KHK: variants seen among roughly 807,000 people sequenced by gnomAD.
KHK encodes the protein fructokinase.
In KHK, 37 loss-of-function variants were observed where a neutral mutation model predicts 36.0. The observed-to-expected ratio is 1.03, with a 90% CI of 0.79 to 1.35. KHK has a LOEUF of 1.35. Among genes scored for constraint, KHK ranks in the 40% most tolerant of loss-of-function variants. KHK has a pLI of 0.00. For synonymous variants in KHK, 161 were observed against 162.8 expected, an observed-to-expected ratio of 0.99 and a Z score of 0.08; for missense variants, 395 against 391.9, an observed-to-expected ratio of 1.01 and a Z score of -0.07.
At chr2:27,092,601 G>A (rs2148344270) in intron 2 of KHK, among the ~76,000 whole-genome samples, 153 bp downstream of exon 2, 1 of 152,316 alleles carries the variant, frequency 6.6e-6, no homozygotes, top group South Asian at 2.1e-4. Context: ...CAGACGCCCA[G>A]CCCTGCCTTG....
At chr2:27,090,452 C>CTTTTTTTTTTTTTTTTTTTTTT (rs559420015) in intron 1 of KHK, among the ~76,000 whole-genome samples, 4 of 110,124 alleles carry the variant, frequency 3.6e-5, no homozygotes, top group Non-Finnish European at 7.1e-5. Context: ...TTTTTTCTTT[C>CTTTTTTTTTTTTTTTTTTTTTT]TTTTTTTTTT....
chr2:27,100,533 T>G lies in KHK; in HGVS notation c.*783T>G, dbSNP rs1670757667. 8 of 1,290,868 alleles carry G rather than the reference T, an allele frequency of 6.2e-6. No individual in the cohort carries two copies. Among genetic ancestry groups the G allele is most frequent in the Non-Finnish European group, 8.1e-6 (8 of 988,778 alleles). The allele number at this position is 1,290,868 out of a possible 1,614,324, so 80.0% of individuals were successfully genotyped here. A position where few individuals can be genotyped will look rare whatever the true frequency, so the allele number is the denominator to read the frequency against. ...AATTGGGGCCAACTCCAATATAGGG[T>G]GGGTAAGGCCTTATAATGTAAAGAG... On this transcript the variant is annotated 3_prime_UTR_variant, in exon 8 of 8. Coordinates refer to ENST00000260598, the MANE Select transcript of KHK (RefSeq NM_006488.3).
chr2:27,087,469 G>A lies in KHK; in HGVS notation c.92+118G>A, dbSNP rs78146536. 0.01 allele frequency: 7,322 copies of A among 724,926 alleles called. 401 individuals carry two copies. In the African/African-American group the frequency reaches 0.12, roughly 11 times the overall value. 44.9% of individuals were successfully genotyped at this position (724,926 alleles called of 1,614,324 possible). A position where few individuals can be genotyped will look rare whatever the true frequency, so the allele number is the denominator to read the frequency against. On this transcript the variant is annotated intron_variant, in intron 1 of 7. Coordinates refer to ENST00000260598, the MANE Select transcript of KHK (RefSeq NM_006488.3). Reference sequence around the variant, plus strand: ...GCCCTGAGAACCCGGCTTCAAGGCCGGACCCGCGCCCTCTACCCGGGAATC... The same window carrying A: ...GCCCTGAGAACCCGGCTTCAAGGCCAGACCCGCGCCCTCTACCCGGGAATC...
At position 27,087,298 on chromosome 2, in the gene KHK, G is replaced by T; in HGVS notation, c.39G>T (p.Val13=). The T allele has an allele frequency of 1.2e-6, 2 of 1,601,480 alleles. No homozygotes were observed. The highest frequency in any genetic ancestry group is 4.5e-5 in the East Asian group (2 of 44,370). Residue 13 remains valine, a synonymous_variant, in exon 1 of 8, where the codon GTG becomes GTT. Transcript: ENST00000260598. ...AGATCCTGTGCGTGGGGCTAGTGGT[G>T]CTGGACGTCATCAGCCTGGTGGACA... is the stretch of plus-strand genomic sequence containing the variant. ...EKQILCVGLV[V]LDVISLVDKY...
intron 3 of KHK, among the ~76,000 whole-genome samples, chr2:27,096,370 C>T (rs1029442612): frequency 2.0e-5 from 3 of 152,162 alleles, no homozygotes; most frequent in Non-Finnish European, 2.9e-5. Flanking sequence ...TTTCCCAGGG[C>T]TCTGCCTGTG....
intron 1 of KHK, among the ~76,000 whole-genome samples, chr2:27,090,749 G>A (rs539856964): frequency 2.2e-4 from 34 of 151,664 alleles, no homozygotes; most frequent in African/African-American, 7.5e-4. Flanking sequence ...CACTGCGCCC[G>A]GCCAGCTTGA....
intron 4 of KHK, 110 bp downstream of exon 4, chr2:27,096,911 C>T: frequency 1.2e-6 from 1 of 807,438 alleles, no homozygotes; most frequent in African/African-American, 1.7e-5. Flanking sequence ...ATAAATGAAC[C>T]CAACCCCCTC....
At position 27,094,912 on chromosome 2, in the gene KHK, C is replaced by T. The variant is rs202073910; in HGVS notation, c.322C>T (p.Arg108Cys). The change falls in exon 3 of 8, where the codon CGT (arginine) becomes TGT (cysteine). Residue 108 changes from arginine to cysteine, a missense_variant. Coordinates refer to ENST00000260598, the MANE Select transcript of KHK (RefSeq NM_006488.3). ...CCIINNSNGN[R>C]TIVLHDTSLP... ...CATCATCAACAACTCCAATGGCAAC[C>T]GTACCATTGTGCTCCATGACACGTA... is the stretch of plus-strand genomic sequence containing the variant. 9 of 1,613,856 alleles carry T rather than the reference C, an allele frequency of 5.6e-6. No homozygotes were observed. Among genetic ancestry groups the T allele is most frequent in the Admixed American group, 1.7e-5 (1 of 60,018 alleles).
At chr2:27,087,402 C>G (rs1669723593) in intron 1 of KHK, 51 bp downstream of exon 1, 1 of 1,416,900 alleles carries the variant, frequency 7.1e-7, no homozygotes, top group African/African-American at 1.4e-5. Flanking sequence ...TGCAGTCCAG[C>G]ATTTGTGCCA....
In KHK at chr2:27,100,076, G is replaced by A. The variant is rs148558475; in HGVS notation, c.*326G>A. On this transcript the variant is annotated 3_prime_UTR_variant, in exon 8 of 8. Transcript: ENST00000260598. Reference sequence around the variant, plus strand: ...TCCCCAAATTAACCTCTCCGCCCAGGCCCAGAGGAGGGGCTGCCTGGGCTA... The same window carrying A: ...TCCCCAAATTAACCTCTCCGCCCAGACCCAGAGGAGGGGCTGCCTGGGCTA... The A allele has an allele frequency of 3.9e-4, 235 of 607,242 alleles. 1 individual carries two copies. The highest frequency in any genetic ancestry group is 2.4e-3 in the South Asian group (122 of 50,942). The allele number at this position is 607,242 out of a possible 1,614,324, so 37.6% of individuals were successfully genotyped here. A position where few individuals can be genotyped will look rare whatever the true frequency, so the allele number is the denominator to read the frequency against.
At chr2:27,097,739 T>A (rs1176365366) in intron 5 of KHK, 90 bp downstream of exon 5, 11 of 1,555,486 alleles carry the variant, frequency 7.1e-6, no homozygotes, top group Non-Finnish European at 9.7e-6. Context: ...CTACCACAAT[T>A]GGAATAGTGG....
chr2:27,096,818 CTG>C lies in KHK; in HGVS notation c.417+21_417+22del, dbSNP rs755495266. On this transcript the variant is annotated intron_variant, in intron 4 of 7. Coordinates refer to ENST00000260598, the MANE Select transcript of KHK (RefSeq NM_006488.3). ...CACATTGAGGTAAGCCCTGCCTTACCTGTGTTTCAAGGGGCTCAACCTGCCAG... is the reference window on the plus strand; with the variant it reads ...CACATTGAGGTAAGCCCTGCCTTACCTGTTTCAAGGGGCTCAACCTGCCAG... 1.2e-6 allele frequency: 2 copies of C among 1,605,592 alleles called. No homozygotes were observed. Among genetic ancestry groups the C allele is most frequent in the East Asian group, 4.5e-5 (2 of 44,854 alleles).
At chr2:27,090,083 G>A (rs7561757) in intron 1 of KHK, among the ~76,000 whole-genome samples, 1,898 of 152,214 alleles carry the variant, frequency 0.012, 34 homozygotes, top group African/African-American at 0.041. Flanking sequence ...AACTCCCGAC[G>A]TCAGGCGATC....
At chr2:27,097,746 G>T in intron 5 of KHK, 97 bp downstream of exon 5, 1 of 1,543,030 alleles carries the variant, frequency 6.5e-7, no homozygotes, top group Non-Finnish European at 8.9e-7. Flanking sequence ...AATTGGAATA[G>T]TGGTTCCTGG....
chr2:27,088,416 GTT>G (rs1669794364), intron 1 of KHK, among the ~76,000 whole-genome samples: 1 of 150,788 alleles, frequency 6.6e-6, no homozygotes, highest in South Asian at 2.1e-4. Context: ...CGATTTGTTG[GTT>G]CTTTTTCTTT....
intron 5 of KHK, chr2:27,098,867 T>G (rs1323857418): frequency 6.6e-6 from 2 of 304,854 alleles, no homozygotes; most frequent in African/African-American, 4.3e-5. Flanking sequence ...GTTTTACAAT[T>G]TACAAGGCTG....
At position 27,100,202 on chromosome 2, in the gene KHK, G is replaced by C; in HGVS notation, c.*452G>C. 1 of 423,716 alleles carries C rather than the reference G, an allele frequency of 2.4e-6. No individual in the cohort carries two copies. Among genetic ancestry groups the C allele is most frequent in the Admixed American group, 3.5e-5 (1 of 28,240 alleles). The allele number at this position is 423,716 out of a possible 1,614,324, so 26.2% of individuals were successfully genotyped here. ...TGAACCTGCCAAAGAAACCGTGAGA[G>C]CTCTTCGGGGCCCTGCGTTGTGCAG... is the stretch of plus-strand genomic sequence containing the variant. On this transcript the variant is annotated 3_prime_UTR_variant, in exon 8 of 8. Coordinates refer to ENST00000260598, the MANE Select transcript of KHK (RefSeq NM_006488.3).
rs760045793 is a variant in KHK, at chr2:27,099,205, A to G, written c.574A>G (p.Ser192Gly). Residue 192 changes from serine (S) to glycine (G), a missense_variant, in exon 6 of 8, where the codon AGC becomes GGC. Physicochemically the swap from Ser to Gly is moderately conservative, Grantham distance 56. Transcript: ENST00000260598. ...LFGYGDVVFV[S>G]KDVAKHLGFQ... ...CTTCCACTGCCCACAGGTGTTTGTC[A>G]GCAAAGATGTGGCCAAGCACTTGGG... 9.3e-6 allele frequency: 15 copies of G among 1,614,154 alleles called. No homozygotes were observed. Among genetic ancestry groups the G allele is most frequent in the Non-Finnish European group, 1.3e-5 (15 of 1,180,018 alleles).
chr2:27,095,709 A>G (rs1670292897), intron 3 of KHK, among the ~76,000 whole-genome samples: 1 of 152,250 alleles, frequency 6.6e-6, no homozygotes, highest in Non-Finnish European at 1.5e-5. Flanking sequence ...GCCCAAGCCC[A>G]GCAGCCCTCA....
Sources: allele counts gnomAD v4.1 joint callset (sites outside exome capture counted in the v4.1 genomes callset), GRCh38; gene constraint gnomAD v4.1.1; transcripts MANE v1.5; gene names NCBI Gene and HGNC (gene_info 2026-07-23, HGNC 2026-07-21).